Variants in ATG5 observed in about 807,000 individuals in gnomAD.
The protein encoded by ATG5 is autophagy related 5.
A neutral mutation model predicts 36.5 loss-of-function variants in ATG5; 14 were observed. That is an observed-to-expected ratio of 0.38 (90% CI 0.25 to 0.60). The LOEUF (loss-of-function observed/expected upper bound fraction) is 0.60. ATG5 is among the 20% of genes least tolerant of loss of function. The probability of loss-of-function intolerance (pLI) is 0.60; values close to 1 mark genes in which losing one functional copy is unlikely to be tolerated. For synonymous variants in ATG5, 95 were observed against 101.5 expected (o/e 0.94, Z 0.38); for missense variants, 195 against 326.7 (o/e 0.60, Z 3.11).
At chr6:106,272,250 G>C (rs1160973763) in intron 5 of ATG5, among the ~76,000 whole-genome samples, 2 of 152,136 alleles carry the variant, frequency 1.3e-5, no homozygotes, top group Non-Finnish European at 2.9e-5. Context: ...TGCAGCCAAA[G>C]GGATGTCTTA....
In ATG5 at chr6:106,186,486, T is replaced by G. The variant is rs1582520040; in HGVS notation, c.*54A>C. 3 of 1,595,396 alleles carry G rather than the reference T, an allele frequency of 1.9e-6. No homozygotes were observed. The highest frequency in any genetic ancestry group is 2.6e-6 in the Non-Finnish European group (3 of 1,165,122). On this transcript the variant is annotated 3_prime_UTR_variant, in exon 8 of 8. Coordinates refer to ENST00000369076, the MANE Select transcript of ATG5 (RefSeq NM_004849.4). ...ACCTGATTGAAGCAAAAGGGTGACA[T>G]GCTCTGATAAATCCCATTTAAGGAT...
rs560629080 is a variant in ATG5 at position 106,198,228 on chromosome 6, C to G, written c.691+3744G>C. Among the ~76,000 whole-genome samples the G allele has an allele frequency of 2.0e-5, 3 of 152,246 alleles. No homozygotes were observed. The East Asian group carries it at 5.8e-4, about 29-fold the overall frequency. ...GTTCAAAAATAAAAAGTTTACTTAA[C>G]TATCTCTAAAGATATACAGGAAAAT... is the stretch of plus-strand genomic sequence containing the variant. On this transcript the variant is annotated intron_variant, in intron 7 of 7. Coordinates refer to ENST00000369076, the MANE Select transcript of ATG5 (RefSeq NM_004849.4).
chr6:106,267,475 T>C (rs538997963), intron 5 of ATG5, among the ~76,000 whole-genome samples: 2 of 152,286 alleles, frequency 1.3e-5, no homozygotes, highest in East Asian at 3.9e-4. Context: ...CTTTGCAGAA[T>C]TACAAAAAAA....
chr6:106,207,985 G>C (rs1050815261), intron 6 of ATG5, among the ~76,000 whole-genome samples: 1 of 152,108 alleles, frequency 6.6e-6, no homozygotes, highest in Non-Finnish European at 1.5e-5. Context: ...CCAGCTACTC[G>C]GGAGGCTGAG....
intron 3 of ATG5, chr6:106,304,243 G>A (rs944868414): frequency 5.3e-5 from 8 of 152,018 alleles, no homozygotes; most frequent in Admixed American, 1.3e-4. Context: ...CCTGCACAAC[G>A]ATGACACCCA....
chr6:106,246,388 T>TCACACACACA (rs1309723567), intron 6 of ATG5, among the ~76,000 whole-genome samples: 3 of 95,556 alleles, frequency 3.1e-5, no homozygotes, highest in African/African-American at 1.4e-4. Flanking sequence ...TCTCTCTCTC[T>TCACACACACA]CTCTCACACA....
intron 7 of ATG5, among the ~76,000 whole-genome samples, chr6:106,188,412 T>A (rs1775851510): frequency 6.6e-6 from 1 of 152,192 alleles, no homozygotes; most frequent in Admixed American, 6.5e-5. Flanking sequence ...GAGTAAAAGT[T>A]CCTTATCTCT....
chr6:106,248,634 G>C (rs1241732984), intron 5 of ATG5, among the ~76,000 whole-genome samples: 1 of 152,166 alleles, frequency 6.6e-6, no homozygotes, highest in Non-Finnish European at 1.5e-5. Context: ...TTAACTAGAA[G>C]TTGTGTAAAG....
chr6:106,194,333 C>T (rs9486302), intron 7 of ATG5, among the ~76,000 whole-genome samples: 26,493 of 151,950 alleles, frequency 0.17, 2,719 homozygotes, highest in African/African-American at 0.28. Flanking sequence ...TCTCAAATCA[C>T]GAGATACTAA....
chr6:106,221,635 G>C (rs1263959406), intron 6 of ATG5, among the ~76,000 whole-genome samples: 1 of 147,474 alleles, frequency 6.8e-6, no homozygotes, highest in Non-Finnish European at 1.5e-5. Context: ...GCAGTGAGCT[G>C]AGATCGTGCC....
At chr6:106,297,791 C>T (rs919868083) in intron 3 of ATG5, among the ~76,000 whole-genome samples, 3 of 148,774 alleles carry the variant, frequency 2.0e-5, no homozygotes, top group African/African-American at 7.4e-5. Flanking sequence ...TTCATTGGGG[C>T]TGGGCATGGT....
intron 3 of ATG5, among the ~76,000 whole-genome samples, chr6:106,298,512 C>G (rs1159825147): frequency 2.0e-5 from 3 of 151,934 alleles, no homozygotes; most frequent in Admixed American, 6.6e-5. Flanking sequence ...GATAGTGCGA[C>G]TGCACTCCAG....
At chr6:106,305,591 C>A (rs1770413884) in intron 3 of ATG5, among the ~76,000 whole-genome samples, 1 of 152,182 alleles carries the variant, frequency 6.6e-6, no homozygotes, top group Non-Finnish European at 1.5e-5. Flanking sequence ...CGACTAATTT[C>A]CTTTCCTACC....
intron 2 of ATG5, among the ~76,000 whole-genome samples, chr6:106,312,354 T>C (rs968850854): frequency 1.3e-5 from 2 of 152,026 alleles, no homozygotes; most frequent in African/African-American, 4.8e-5. Flanking sequence ...CAGATTTTTT[T>C]GGGGGGAAAG....
chr6:106,238,913 TA>T (rs962749962), intron 6 of ATG5, among the ~76,000 whole-genome samples: 3 of 151,392 alleles, frequency 2.0e-5, no homozygotes, highest in East Asian at 3.9e-4. Flanking sequence ...TTTAAAAGCA[TA>T]AAAAAAAGTG....
intron 6 of ATG5, among the ~76,000 whole-genome samples, chr6:106,209,324 G>C (rs2114385739): frequency 6.6e-6 from 1 of 152,282 alleles, no homozygotes; most frequent in East Asian, 1.9e-4. Flanking sequence ...TAATAGGTCT[G>C]TCCCACGGAA....
intron 5 of ATG5, among the ~76,000 whole-genome samples, chr6:106,263,759 G>C (rs1343282710): frequency 6.6e-6 from 1 of 151,852 alleles, no homozygotes; most frequent in African/African-American, 2.4e-5. Flanking sequence ...ACCTGCAGAA[G>C]AGGGGCCCTA....
intron 6 of ATG5, among the ~76,000 whole-genome samples, chr6:106,211,814 A>G (rs935645815): frequency 2.0e-5 from 3 of 152,202 alleles, no homozygotes; most frequent in Admixed American, 6.5e-5. Flanking sequence ...GAAGAAACAA[A>G]TATTATATTG....
At chr6:106,224,420 TGATCAAAAGA>T (rs1777366906) in intron 6 of ATG5, among the ~76,000 whole-genome samples, 1 of 152,086 alleles carries the variant, frequency 6.6e-6, no homozygotes, top group South Asian at 2.1e-4. Context: ...TCAACAAAAG[TGATCAAAAGA>T]GTTATTCCAA....
Sources: allele counts gnomAD v4.1 joint callset (sites outside exome capture counted in the v4.1 genomes callset), GRCh38; gene constraint gnomAD v4.1.1; transcripts MANE v1.5; gene names NCBI Gene and HGNC (gene_info 2026-07-23, HGNC 2026-07-21).